The following NOP58 variants were observed in gnomAD, a reference collection of about 807,000 sequenced individuals.
The protein encoded by NOP58 is NOP58 ribonucleoprotein.
Under a neutral mutation model 71.2 loss-of-function variants are expected in NOP58, and 44 were observed. The observed-to-expected ratio is 0.62, with a 90% confidence interval of 0.49 to 0.79. NOP58 has a LOEUF of 0.79. Ranked by LOEUF, NOP58 falls within the 30% of genes least tolerant of loss-of-function variation. The pLI is 0.00. For synonymous variants in NOP58, 228 were observed against 200.3 expected (o/e 1.14, Z -1.17); for missense variants, 538 against 620.2 (o/e 0.87, Z 1.41).
At chr2:202,285,952 T>C (rs777146202) in intron 5 of NOP58, among the ~76,000 whole-genome samples, 11 of 151,264 alleles carry the variant, frequency 7.3e-5, no homozygotes, top group Non-Finnish European at 1.3e-4. Context: ...CCCAACACTT[T>C]GGGAGGCCAA....
chr2:202,303,483 G>C lies in NOP58; in HGVS notation c.*47G>C. 1 of 1,577,030 alleles carries C rather than the reference G, an allele frequency of 6.3e-7. No homozygotes were observed. Among genetic ancestry groups the C allele is most frequent in the Non-Finnish European group, 8.6e-7 (1 of 1,160,346 alleles). On this transcript the variant is annotated 3_prime_UTR_variant, in exon 15 of 15. Coordinates refer to ENST00000264279, the MANE Select transcript of NOP58 (RefSeq NM_015934.5). Reference sequence around the variant, plus strand: ...TCACCCGGACACACATCATGCTTAAGATTCAACTGGGAGCATACCAGGGAT... The same window carrying C: ...TCACCCGGACACACATCATGCTTAACATTCAACTGGGAGCATACCAGGGAT...
intron 10 of NOP58, among the ~76,000 whole-genome samples, chr2:202,296,947 A>T (rs2105855473): frequency 6.6e-6 from 1 of 151,734 alleles, no homozygotes; most frequent in Admixed American, 6.6e-5. Context: ...GTTAGCCAGG[A>T]TGGTCTCGAT....
intron 1 of NOP58, among the ~76,000 whole-genome samples, chr2:202,271,697 C>G (rs1415152420): frequency 1.3e-5 from 2 of 152,194 alleles, no homozygotes; most frequent in African/African-American, 2.4e-5. Context: ...ACTCCCAGCA[C>G]TTTGAGAGGC....
At chr2:202,268,349 A>G (rs533160093) in intron 1 of NOP58, among the ~76,000 whole-genome samples, 29 of 152,114 alleles carry the variant, frequency 1.9e-4, no homozygotes, top group South Asian at 6.2e-4. Context: ...CCTAACCAAC[A>G]TGGTGAAACC....
chr2:202,299,126 ATTTT>A (rs747220528), intron 12 of NOP58, among the ~76,000 whole-genome samples: 3 of 151,730 alleles, frequency 2.0e-5, no homozygotes, highest in Non-Finnish European at 2.9e-5. Flanking sequence ...CATCCAGCTA[ATTTT>A]TGTATTTTTA....
intron 1 of NOP58, 90 bp from the exon 2 acceptor site, chr2:202,275,023 A>C (rs562582913): frequency 3.2e-6 from 2 of 627,230 alleles, no homozygotes; most frequent in Non-Finnish European, 5.6e-6. Context: ...CTACACCTTC[A>C]TTTTACATGT....
chr2:202,269,162 T>C (rs1688473998), intron 1 of NOP58, among the ~76,000 whole-genome samples: 1 of 151,556 alleles, frequency 6.6e-6, no homozygotes, highest in African/African-American at 2.4e-5. Flanking sequence ...ATTATTTATT[T>C]ATTTGTATTT....
chr2:202,293,976 ATAGC>A (rs574888293), intron 9 of NOP58, among the ~76,000 whole-genome samples: 110 of 152,252 alleles, frequency 7.2e-4, no homozygotes, highest in Non-Finnish European at 1.4e-3. Context: ...TTTCATAGGT[ATAGC>A]TAAACTTGTA....
Position 202,297,417 on chromosome 2 carries a change from C to T in NOP58, c.1110C>T (p.Ile370=). 1 of 1,613,722 alleles carries T rather than the reference C, an allele frequency of 6.2e-7. No individual in the cohort carries two copies. Among genetic ancestry groups the T allele is most frequent in the Non-Finnish European group, 8.5e-7 (1 of 1,179,768 alleles). The stretch of plus-strand genomic sequence containing the variant: ...TGGCAGCCAAAACCGTTTTGGCTAT[C>T]CGTTATGATGCTTTTGGTGAGGATT... ...RMLAAKTVLA[I]RYDAFGEDSS... is the part of the protein sequence containing the mutation. The change falls in exon 11 of 15, where the codon ATC becomes ATT. Residue 370 remains isoleucine (I), a synonymous_variant. Transcript: ENST00000264279.
chr2:202,266,525 A>G (rs956054434), intron 1 of NOP58, among the ~76,000 whole-genome samples: 4 of 152,090 alleles, frequency 2.6e-5, no homozygotes, highest in African/African-American at 7.2e-5. Flanking sequence ...CATGTTGGCC[A>G]GGCTGGTCTT....
intron 11 of NOP58, 132 bp from the exon 12 acceptor site, chr2:202,297,713 C>T: frequency 1.2e-6 from 1 of 802,694 alleles, no homozygotes; most frequent in Non-Finnish European, 1.9e-6. Flanking sequence ...TTAGGATATG[C>T]TATTCAAAAT....
At chr2:202,267,279 C>A (rs1688433583) in intron 1 of NOP58, among the ~76,000 whole-genome samples, 1 of 151,984 alleles carries the variant, frequency 6.6e-6, no homozygotes, top group African/African-American at 2.4e-5. Context: ...AGCTATGAAC[C>A]AAAAAACCAT....
intron 11 of NOP58, 150 bp from the exon 12 acceptor site, chr2:202,297,695 A>G: frequency 3.8e-6 from 3 of 798,186 alleles, no homozygotes; most frequent in Non-Finnish European, 5.9e-6. Flanking sequence ...ATCCAACTGC[A>G]TTTGCCATTA....
chr2:202,295,569 T>C, intron 9 of NOP58, 105 bp from the exon 10 acceptor site: 1 of 809,590 alleles, frequency 1.2e-6, no homozygotes, highest in South Asian at 2.9e-5. Flanking sequence ...ATATGTGATT[T>C]TTATTTATTA....
chr2:202,276,548 A>G (rs1192455919), intron 2 of NOP58: 6 of 489,728 alleles, frequency 1.2e-5, no homozygotes, highest in Non-Finnish European at 2.5e-5. Flanking sequence ...TGGATAAAAT[A>G]CTACCCTGAG....
chr2:202,276,617 A>G, intron 2 of NOP58: 1 of 366,760 alleles, frequency 2.7e-6, no homozygotes, highest in South Asian at 2.0e-5. Flanking sequence ...AGGCAGGCGG[A>G]TCAGTTGAGC....
chr2:202,283,909 C>T (rs969969804), intron 4 of NOP58, among the ~76,000 whole-genome samples: 2 of 152,146 alleles, frequency 1.3e-5, no homozygotes, highest in African/African-American at 2.4e-5. Context: ...GTCAAGTATT[C>T]TACAAACACA....
rs1393536974 is a variant in NOP58, at chr2:202,275,080, T to C, written c.46-33T>C. On this transcript the variant is annotated intron_variant, in intron 1 of 14. Transcript: ENST00000264279. ...AGCTGTATATGCCTCACCTGTACCA[T>C]TTAAATAAAACTATTTAAACATTTT... 3 of 1,127,894 alleles carry C rather than the reference T, an allele frequency of 2.7e-6. No homozygotes were observed. The East Asian group carries it at 7.1e-5, about 27-fold the overall frequency. The allele number at this position is 1,127,894 out of a possible 1,614,324, so 69.9% of individuals were successfully genotyped here.
Position 202,303,034 on chromosome 2 carries a change from C to G in NOP58, c.1516C>G (p.Pro506Ala), listed in dbSNP as rs1249316977. 1 of 1,612,236 alleles carries G rather than the reference C, an allele frequency of 6.2e-7. No individual in the cohort carries two copies. The highest frequency in any genetic ancestry group is 8.5e-7 in the Non-Finnish European group (1 of 1,179,826). ...GGAAGAACCACTTTCTGAGGAAGAA[C>G]CATGTACCAGCACAGCAATTGCTGT... The part of the protein sequence containing the change: ...IKEEPLSEEE[P>A]CTSTAIASPE... The change falls in exon 14 of 15, where the codon CCA (proline) becomes GCA (alanine). Residue 506 changes from proline (P) to alanine (A), a missense_variant. Physicochemically the swap from Pro to Ala is conservative, Grantham distance 27. Transcript: ENST00000264279.
Sources: gnomAD v4.1 joint callset for allele counts (sites outside exome capture counted in the v4.1 genomes callset) on GRCh38, gnomAD v4.1.1 for gene constraint, MANE v1.5 for transcripts, NCBI Gene and HGNC (gene_info 2026-07-23, HGNC 2026-07-21) for gene names.